Variants in CDH12 observed in about 807,000 individuals in gnomAD.
The protein encoded by CDH12 is cadherin 12, also known as cadherin-12.
In CDH12, 41 loss-of-function variants were observed where a neutral mutation model predicts 74.1. That is an observed-to-expected ratio of 0.55 (90% CI 0.43 to 0.72). The LOEUF (loss-of-function observed/expected upper bound fraction) is 0.72, where lower values mean the gene tolerates loss of function less well. Ranked by LOEUF, CDH12 falls within the 30% of genes least tolerant of loss-of-function variation. The pLI, the probability that CDH12 is intolerant of heterozygous loss-of-function variation, is 0.00. For synonymous variants in CDH12, 399 were observed against 355.0 expected (o/e 1.12, Z -1.39); for missense variants, 945 against 977.2 (o/e 0.97, Z 0.44).
intron 6 of CDH12, among the ~76,000 whole-genome samples, chr5:21,966,076 C>A (rs959366182): frequency 2.4e-4 from 36 of 151,646 alleles, no homozygotes; most frequent in Non-Finnish European, 4.9e-4. Context: ...TCTGATTTCA[C>A]GCTGATACAT....
intron 1 of CDH12, among the ~76,000 whole-genome samples, chr5:22,787,197 G>T (rs969519815): frequency 6.6e-6 from 1 of 151,782 alleles, no homozygotes; most frequent in Non-Finnish European, 1.5e-5. Context: ...TTGCAAACAA[G>T]AAGATATTTC....
chr5:21,828,007 A>G (rs1328271931), intron 8 of CDH12, among the ~76,000 whole-genome samples: 1 of 152,180 alleles, frequency 6.6e-6, no homozygotes, highest in Non-Finnish European at 1.5e-5. Context: ...TAAATGGAAA[A>G]TTCTCAGTGA....
intron 1 of CDH12, among the ~76,000 whole-genome samples, chr5:22,707,817 G>T (rs1438561110): frequency 6.6e-6 from 1 of 151,870 alleles, no homozygotes; most frequent in East Asian, 1.9e-4. Flanking sequence ...TTTTTCTAAG[G>T]TAAAATTAGT....
intron 3 of CDH12, among the ~76,000 whole-genome samples, chr5:22,292,580 C>G (rs1320818809): frequency 1.3e-5 from 2 of 151,834 alleles, no homozygotes; most frequent in East Asian, 3.9e-4. Flanking sequence ...AAACAAATTG[C>G]CCCAATTCAA....
chr5:21,824,951 C>T (rs978050244), intron 8 of CDH12, among the ~76,000 whole-genome samples: 12 of 152,030 alleles, frequency 7.9e-5, no homozygotes, highest in African/African-American at 2.4e-4. Flanking sequence ...CTCAGGAGTT[C>T]GAGACCGGCC....
At chr5:22,744,094 T>G (rs992229894) in intron 1 of CDH12, among the ~76,000 whole-genome samples, 1 of 152,102 alleles carries the variant, frequency 6.6e-6, no homozygotes, top group Non-Finnish European at 1.5e-5. Flanking sequence ...GAACAGGGTC[T>G]CTATGATCAA....
intron 6 of CDH12, among the ~76,000 whole-genome samples, chr5:21,864,378 G>T (rs116428856): frequency 6.6e-6 from 1 of 152,070 alleles, no homozygotes; most frequent in Non-Finnish European, 1.5e-5. Context: ...ACAATCAGTT[G>T]GAAGCCCAAA....
intron 1 of CDH12, among the ~76,000 whole-genome samples, chr5:22,775,833 C>T (rs1258207681): frequency 6.6e-6 from 1 of 152,048 alleles, no homozygotes; most frequent in East Asian, 1.9e-4. Context: ...CCAGAATTCC[C>T]GTGTGTTGTG....
chr5:22,077,671 C>T (rs1742425024), intron 5 of CDH12, among the ~76,000 whole-genome samples: 1 of 151,842 alleles, frequency 6.6e-6, no homozygotes, highest in African/African-American at 2.4e-5. Flanking sequence ...ACAAGTTATA[C>T]TGTTCTAGAC....
rs572518329 is a variant in CDH12 at position 22,371,585 on chromosome 5, A to G, written c.-333+33672T>C. Among the ~76,000 whole-genome samples, 114 of 152,272 alleles carry G rather than the reference A, an allele frequency of 7.5e-4. 2 individuals are homozygous for G. In the South Asian group the frequency reaches 0.011, roughly 15 times the overall value. ...ATTTTTTAACCAACCACTCTTATAT[A>G]TAGTTAACTTGTCTAAGGCTTTGAA... is the stretch of plus-strand genomic sequence containing the variant. On this transcript the variant is annotated intron_variant, in intron 3 of 14. Transcript: ENST00000382254.
intron 4 of CDH12, among the ~76,000 whole-genome samples, chr5:22,191,389 C>T (rs1412651778): frequency 1.3e-5 from 2 of 151,764 alleles, no homozygotes; most frequent in Non-Finnish European, 2.9e-5. Flanking sequence ...ACTGGATCGA[C>T]CCAGTTTCTG....
At chr5:22,797,986 C>T (rs1160922444) in intron 1 of CDH12, among the ~76,000 whole-genome samples, 15 of 152,144 alleles carry the variant, frequency 9.9e-5, no homozygotes. Context: ...GAACAGTGAA[C>T]ATTTTCTCAC....
intron 3 of CDH12, among the ~76,000 whole-genome samples, chr5:22,402,640 G>T (rs1214645336): frequency 6.6e-6 from 1 of 152,180 alleles, no homozygotes; most frequent in East Asian, 1.9e-4. Flanking sequence ...AGCACTTGAT[G>T]ATGTGGAAGA....
chr5:22,176,299 T>TG (rs1305363182), intron 4 of CDH12, among the ~76,000 whole-genome samples: 9 of 152,126 alleles, frequency 5.9e-5, no homozygotes, highest in African/African-American at 2.2e-4. Context: ...TTTGTTGCTT[T>TG]GTTTCTTTTT....
chr5:21,850,669 C>A (rs1045403848), intron 7 of CDH12, among the ~76,000 whole-genome samples: 1 of 151,278 alleles, frequency 6.6e-6, no homozygotes, highest in South Asian at 2.1e-4. Flanking sequence ...AATGAAAGGT[C>A]GATAGACTCA....
chr5:22,848,668 T>G (rs555175403), intron 1 of CDH12, among the ~76,000 whole-genome samples: 34 of 152,304 alleles, frequency 2.2e-4, no homozygotes, highest in African/African-American at 7.7e-4. Context: ...TGATTTTGTT[T>G]GTTTGAAAAT....
At chr5:22,051,632 A>T (rs923079257) in intron 5 of CDH12, among the ~76,000 whole-genome samples, 1 of 152,160 alleles carries the variant, frequency 6.6e-6, no homozygotes, top group Non-Finnish European at 1.5e-5. Flanking sequence ...TACATGTGAC[A>T]ATATATAAAT....
At chr5:22,410,847 C>T (rs1312555188) in intron 2 of CDH12, among the ~76,000 whole-genome samples, 1 of 151,948 alleles carries the variant, frequency 6.6e-6, no homozygotes, top group African/African-American at 2.4e-5. Context: ...AAGAGACATT[C>T]TAAAAGAGGA....
At chr5:22,586,142 A>C (rs996192421) in intron 1 of CDH12, among the ~76,000 whole-genome samples, 4 of 152,216 alleles carry the variant, frequency 2.6e-5, no homozygotes, top group Admixed American at 6.5e-5. Flanking sequence ...CATATATACC[A>C]TGGAATACTA....
Sources: gnomAD v4.1 joint callset for allele counts (sites outside exome capture counted in the v4.1 genomes callset) on GRCh38, gnomAD v4.1.1 for gene constraint, MANE v1.5 for transcripts, NCBI Gene and HGNC (gene_info 2026-07-23, HGNC 2026-07-21) for gene names.